WWP2: variants seen among roughly 807,000 people sequenced by gnomAD.
WWP2 encodes the protein NEDD4-like E3 ubiquitin-protein ligase WWP2.
Under a neutral mutation model 121.0 loss-of-function variants are expected in WWP2, and 57 were observed. The ratio of observed to expected loss-of-function variants is 0.47; its 90% CI spans 0.38 to 0.59. The LOEUF (loss-of-function observed/expected upper bound fraction) is 0.59. Ranked by LOEUF, WWP2 falls within the 20% of genes least tolerant of loss-of-function variation. WWP2 has a pLI of 0.00. For synonymous variants in WWP2, 449 were observed against 441.3 expected (o/e 1.02, Z -0.22); for missense variants, 962 against 1,158.9 (o/e 0.83, Z 2.47).
chr16:69,823,640 A>G (rs1005517490), intron 4 of WWP2, among the ~76,000 whole-genome samples: 1 of 151,778 alleles, frequency 6.6e-6, no homozygotes, highest in Admixed American at 6.6e-5. Flanking sequence ...GCTAATTTTT[A>G]TATTTTTAGT....
At chr16:69,875,176 C>T (rs1030286635) in intron 7 of WWP2, among the ~76,000 whole-genome samples, 4 of 152,106 alleles carry the variant, frequency 2.6e-5, no homozygotes, top group Admixed American at 2.6e-4. Flanking sequence ...TTTTGGTTTC[C>T]CAGTGCATAT....
At chr16:69,930,993 C>CT (rs946716092) in intron 13 of WWP2, among the ~76,000 whole-genome samples, 159 bp from the exon 14 acceptor site, 2 of 152,136 alleles carry the variant, frequency 1.3e-5, no homozygotes, top group African/African-American at 4.8e-5. Flanking sequence ...TCTAGATTTT[C>CT]TTTTTTATTC....
At chr16:69,828,517 C>T (rs1288205318) in intron 4 of WWP2, among the ~76,000 whole-genome samples, 1 of 152,124 alleles carries the variant, frequency 6.6e-6, no homozygotes, top group Non-Finnish European at 1.5e-5. Context: ...CAGGCATGCA[C>T]CACCACACCC....
intron 4 of WWP2, among the ~76,000 whole-genome samples, chr16:69,809,776 AAGAGAGAGAGAGAC>A (rs1012245582): frequency 2.9e-4 from 44 of 151,250 alleles, no homozygotes; most frequent in African/African-American, 1.0e-3. Flanking sequence ...CAGAAAGAGA[AAGAGAGAGAGAGAC>A]AGAGAGAGAG....
Position 69,829,946 on chromosome 16 carries a change from G to T in WWP2, c.341-10180G>T, listed in dbSNP as rs939663366. On this transcript the variant is annotated intron_variant, in intron 4 of 23. Coordinates refer to ENST00000359154, the MANE Select transcript of WWP2 (RefSeq NM_001270454.2). ...GCTGGGACCATAGGCACACGCCACT[G>T]CGCCCAGCTAATTTTTTTTTTTTTT... Among the ~76,000 whole-genome samples, 17 of 130,510 alleles carry T rather than the reference G, an allele frequency of 1.3e-4. 2 individuals carry two copies. Among genetic ancestry groups the T allele is most frequent in the East Asian group, 4.2e-4 (2 of 4,718 alleles). 85.6% of individuals were successfully genotyped at this position (130,510 alleles called of 152,430 possible).
intron 8 of WWP2, among the ~76,000 whole-genome samples, chr16:69,902,207 G>A (rs1248958853): frequency 3.3e-5 from 5 of 152,160 alleles, no homozygotes. Context: ...ATGATTTCCT[G>A]TCTGATAACA....
At chr16:69,851,008 ATTTTTTT>A (rs35175050) in intron 6 of WWP2, among the ~76,000 whole-genome samples, 1 of 109,596 alleles carries the variant, frequency 9.1e-6, no homozygotes, top group Non-Finnish European at 1.9e-5. Context: ...TCACTCTTTA[ATTTTTTT>A]TTTTTTTTTT....
At chr16:69,882,653 G>T (rs1373537772) in intron 7 of WWP2, among the ~76,000 whole-genome samples, 3 of 152,136 alleles carry the variant, frequency 2.0e-5, no homozygotes, top group Non-Finnish European at 4.4e-5. Flanking sequence ...GCAGGGGTCG[G>T]GAGGGCGTCC....
chr16:69,895,972 A>G (rs1004051306), intron 8 of WWP2, among the ~76,000 whole-genome samples: 5 of 152,120 alleles, frequency 3.3e-5, no homozygotes, highest in East Asian at 3.8e-4. Flanking sequence ...GTCACATGGA[A>G]TAGTGTGTGT....
Position 69,936,403 on chromosome 16 carries a change from G to A in WWP2, c.2068G>A (p.Gly690Ser). 2 of 1,614,104 alleles carry A rather than the reference G, an allele frequency of 1.2e-6. No individual in the cohort carries two copies. The highest frequency in any genetic ancestry group is 1.7e-6 in the Non-Finnish European group (2 of 1,180,026). ...GKVTTHELKEGGESIRVTEEN... is the reference protein window; with the variant it reads ...GKVTTHELKESGESIRVTEEN... ...GGTGACGACCCACGAGCTGAAGGAG[G>A]GCGGCGAGAGCATCCGGGTCACAGA... Residue 690 changes from glycine to serine, a missense_variant, in exon 19 of 24, where the codon GGC becomes AGC. This residue lies in a region of WWP2 where 606 missense variants were observed against 772.6 expected (regional missense o/e 0.78). Coordinates refer to ENST00000359154, the MANE Select transcript of WWP2 (RefSeq NM_001270454.2).
intron 6 of WWP2, among the ~76,000 whole-genome samples, chr16:69,851,184 T>G (rs1222001190): frequency 2.0e-5 from 3 of 151,208 alleles, no homozygotes; most frequent in Non-Finnish European, 4.4e-5. Context: ...CTAATTTTTT[T>G]TTTTTGTATT....
intron 16 of WWP2, 129 bp downstream of exon 16, chr16:69,932,019 C>T: frequency 1.1e-6 from 1 of 908,698 alleles, no homozygotes; most frequent in African/African-American, 1.7e-5. Context: ...CAGGAATGGG[C>T]ACAGTGTGGC....
chr16:69,796,652 A>G (rs1481837152), intron 2 of WWP2, among the ~76,000 whole-genome samples: 6 of 152,140 alleles, frequency 3.9e-5, no homozygotes, highest in South Asian at 2.1e-4. Context: ...TGTAGTCCCT[A>G]TTTTTTAAAG....
chr16:69,822,026 G>A (rs1472527757), intron 4 of WWP2, among the ~76,000 whole-genome samples: 1 of 151,798 alleles, frequency 6.6e-6, no homozygotes, highest in Non-Finnish European at 1.5e-5. Flanking sequence ...ACACCACTAT[G>A]CCCAGCTTTT....
chr16:69,795,654 T>TTG (rs1238183484), intron 2 of WWP2, among the ~76,000 whole-genome samples: 2 of 127,622 alleles, frequency 1.6e-5, no homozygotes, highest in South Asian at 5.7e-4. Flanking sequence ...AGGAGGTTTT[T>TTG]TTTTTTTTTT....
chr16:69,833,606 G>A (rs1272007104), intron 4 of WWP2, among the ~76,000 whole-genome samples: 2 of 152,344 alleles, frequency 1.3e-5, no homozygotes, highest in Non-Finnish European at 2.9e-5. Flanking sequence ...AGAAGGTATT[G>A]GTAACCAGTT....
At position 69,935,366 on chromosome 16, in the gene WWP2, G is replaced by C. The variant is rs996554699; in HGVS notation, c.1843-487G>C. On this transcript the variant is annotated intron_variant, in intron 17 of 23. Coordinates refer to ENST00000359154, the MANE Select transcript of WWP2 (RefSeq NM_001270454.2). The surrounding 1 kb of genome is among the most constrained non-coding windows in gnomAD (Gnocchi z 5.2). ...ACCCGCCTGGCCCAGCAGCCAGCAG[G>C]ACAGACCGGTAAAACCCTAGACTAT... 1.3e-5 allele frequency among the ~76,000 whole-genome samples: 2 copies of C among 152,212 alleles called. No homozygotes were observed. The highest frequency in any genetic ancestry group is 1.3e-4 in the Admixed American group (2 of 15,290).
Position 69,935,754 on chromosome 16 carries a change from C to T in WWP2, c.1843-99C>T, listed in dbSNP as rs183819418. The T allele has an allele frequency of 8.0e-6, 12 of 1,499,746 alleles. No homozygotes were observed. The highest frequency in any genetic ancestry group is 2.3e-5 in the East Asian group (1 of 43,998). 92.9% of individuals were successfully genotyped at this position (1,499,746 alleles called of 1,614,324 possible). A position where few individuals can be genotyped will look rare whatever the true frequency, so the allele number is the denominator to read the frequency against. On this transcript the variant is annotated intron_variant, in intron 17 of 23. Transcript: ENST00000359154. The surrounding 1 kb of genome is among the most constrained non-coding windows in gnomAD (Gnocchi z 5.2). ...CTGTAGTTCTGTCAGGGAAGGAAGG[C>T]GGGTAGCGGTAGCAGAGTTTGATAC...
At chr16:69,764,575 T>C (rs1056129316) in intron 1 of WWP2, among the ~76,000 whole-genome samples, 3 of 152,220 alleles carry the variant, frequency 2.0e-5, no homozygotes, top group Non-Finnish European at 4.4e-5. Flanking sequence ...AAGTTGTGAA[T>C]GTAGAATGTG....
Sources: gnomAD v4.1 joint callset for allele counts (sites outside exome capture counted in the v4.1 genomes callset) on GRCh38, gnomAD v4.1.1 for gene constraint, gnomAD v4.1.1 regional missense constraint, Gnocchi (gnomAD v3.1) non-coding constraint, MANE v1.5 for transcripts, NCBI Gene and HGNC (gene_info 2026-07-23, HGNC 2026-07-21) for gene names.